Variants in SLC1A3 observed in about 807,000 individuals in gnomAD.
SLC1A3 encodes the protein excitatory amino acid transporter 1.
A neutral mutation model predicts 48.1 loss-of-function variants in SLC1A3; 21 were observed. The observed-to-expected ratio is 0.44, with a 90% CI of 0.31 to 0.63. The LOEUF (loss-of-function observed/expected upper bound fraction) is 0.63. Among genes scored for constraint, SLC1A3 ranks in the 20% least tolerant of loss-of-function variants. The probability of loss-of-function intolerance (pLI) is 0.08; values close to 1 mark genes in which losing one functional copy is unlikely to be tolerated. For missense variants in SLC1A3, 546 were observed against 689.0 expected (o/e 0.79, Z 2.32); for synonymous variants, 239 against 251.4 (o/e 0.95, Z 0.47).
chr5:36,647,626 TCTC>T (rs1468830443), intron 3 of SLC1A3, among the ~76,000 whole-genome samples: 1 of 152,198 alleles, frequency 6.6e-6, no homozygotes, highest in Non-Finnish European at 1.5e-5. Flanking sequence ...CTATCAGTCT[TCTC>T]ACAACCGAAG....
intron 3 of SLC1A3, among the ~76,000 whole-genome samples, chr5:36,642,978 C>G (rs1645659): frequency 6.6e-6 from 1 of 152,182 alleles, no homozygotes; most frequent in African/African-American, 2.4e-5. Flanking sequence ...TAATGGAATA[C>G]TACCCATTCA....
Position 36,629,606 on chromosome 5 carries a change from G to C in SLC1A3, c.319+19G>C. 6.2e-7 allele frequency: 1 copy of C among 1,608,944 alleles called. No homozygotes were observed. The highest frequency in any genetic ancestry group is 8.5e-7 in the Non-Finnish European group (1 of 1,176,254). On this transcript the variant is annotated intron_variant, in intron 3 of 9. Transcript: ENST00000265113. The stretch of plus-strand genomic sequence containing the variant: ...GTCACAGGTACCATAAGCAGTTGTT[G>C]GTTTGTTTGGTTTTTTTTAAGTGTG...
intron 3 of SLC1A3, among the ~76,000 whole-genome samples, chr5:36,639,288 A>G (rs942914166): frequency 1.3e-5 from 2 of 152,226 alleles, no homozygotes; most frequent in African/African-American, 4.8e-5. Flanking sequence ...ATGCAAGTTA[A>G]TACACATTAA....
At chr5:36,674,383 C>T (rs951389596) in intron 5 of SLC1A3, among the ~76,000 whole-genome samples, 1 of 152,058 alleles carries the variant, frequency 6.6e-6, no homozygotes, top group Non-Finnish European at 1.5e-5. Context: ...CACCCAACTC[C>T]CCACTGGCAA....
At chr5:36,683,358 G>A (rs974463157) in intron 8 of SLC1A3, among the ~76,000 whole-genome samples, 1 of 152,042 alleles carries the variant, frequency 6.6e-6, no homozygotes, top group African/African-American at 2.4e-5. Context: ...AAGACACATA[G>A]TAAGCACATG....
intron 3 of SLC1A3, 31 bp downstream of exon 3, chr5:36,629,618 T>A (rs765360652): frequency 1.3e-5 from 21 of 1,599,290 alleles, no homozygotes; most frequent in Non-Finnish European, 1.8e-5. Flanking sequence ...TTTGTTTGGT[T>A]TTTTTTAAGT....
At chr5:36,644,019 AAATAAAT>A (rs1740736657) in intron 3 of SLC1A3, among the ~76,000 whole-genome samples, 1 of 68,744 alleles carries the variant, frequency 1.5e-5, no homozygotes, top group Admixed American at 1.7e-4. Context: ...CTCAAAAAAT[AAATAAAT>A]AAATAAATAA....
intron 3 of SLC1A3, among the ~76,000 whole-genome samples, chr5:36,635,173 GA>G (rs545440959): frequency 0.015 from 2,020 of 132,286 alleles, 23 homozygotes; most frequent in South Asian, 0.07. Flanking sequence ...ACGTTGTATT[GA>G]AAAAAAAAAA....
At chr5:36,670,755 G>C in intron 3 of SLC1A3, 1 of 512,868 alleles carries the variant, frequency 1.9e-6, no homozygotes, top group Non-Finnish European at 3.6e-6. Flanking sequence ...TGGACCATTA[G>C]AGAACAGTAT....
At chr5:36,655,130 G>A (rs748806488) in intron 3 of SLC1A3, among the ~76,000 whole-genome samples, 2 of 152,164 alleles carry the variant, frequency 1.3e-5, no homozygotes. Flanking sequence ...GGGGAATCAT[G>A]GCTGTGAGTG....
chr5:36,664,482 C>A (rs998566996), intron 3 of SLC1A3, among the ~76,000 whole-genome samples: 12 of 150,512 alleles, frequency 8.0e-5, no homozygotes, highest in African/African-American at 2.9e-4. Flanking sequence ...GGGGTTTATG[C>A]CAGTGTTTAC....
chr5:36,597,452 C>T (rs1242901362), intron 1 of SLC1A3, among the ~76,000 whole-genome samples: 1 of 151,832 alleles, frequency 6.6e-6, no homozygotes, highest in East Asian at 1.9e-4. Context: ...CCATATTAGC[C>T]AGGACGGTCT....
chr5:36,622,697 G>A (rs974773960), intron 2 of SLC1A3, among the ~76,000 whole-genome samples: 1 of 152,058 alleles, frequency 6.6e-6, no homozygotes, highest in Non-Finnish European at 1.5e-5. Context: ...AAAATGAGAC[G>A]ATATTTAATT....
intron 1 of SLC1A3, among the ~76,000 whole-genome samples, chr5:36,599,393 G>C (rs1206756277): frequency 2.0e-5 from 3 of 151,872 alleles, no homozygotes; most frequent in African/African-American, 4.8e-5. Context: ...AGGTCACAAG[G>C]CACAAAAAAT....
intron 8 of SLC1A3, among the ~76,000 whole-genome samples, chr5:36,683,336 T>A (rs1332027681): frequency 2.0e-5 from 3 of 152,212 alleles, no homozygotes; most frequent in Admixed American, 6.5e-5. Flanking sequence ...TAAACCATGC[T>A]TAGTATATCA....
At chr5:36,643,947 T>C (rs1263841697) in intron 3 of SLC1A3, among the ~76,000 whole-genome samples, 1 of 151,838 alleles carries the variant, frequency 6.6e-6, no homozygotes, top group Non-Finnish European at 1.5e-5. Flanking sequence ...TGAGCCAAGA[T>C]TGGGCCATTG....
At chr5:36,640,979 A>G (rs1292578424) in intron 3 of SLC1A3, among the ~76,000 whole-genome samples, 1 of 151,866 alleles carries the variant, frequency 6.6e-6, no homozygotes, top group African/African-American at 2.4e-5. Context: ...ATGCCCCAAC[A>G]CACACACACA....
chr5:36,645,220 G>C (rs1311469926), intron 3 of SLC1A3, among the ~76,000 whole-genome samples: 1 of 151,678 alleles, frequency 6.6e-6, no homozygotes, highest in Non-Finnish European at 1.5e-5. Context: ...TATCTGCAAG[G>C]AGAGCCCCTC....
chr5:36,651,589 CT>C (rs1741079534), intron 3 of SLC1A3, among the ~76,000 whole-genome samples: 1 of 137,508 alleles, frequency 7.3e-6, no homozygotes, highest in Non-Finnish European at 1.5e-5. Flanking sequence ...TGCCTGGACT[CT>C]TTTCCCCAGC....
Sources: gnomAD v4.1 joint callset for allele counts (sites outside exome capture counted in the v4.1 genomes callset) on GRCh38, gnomAD v4.1.1 for gene constraint, MANE v1.5 for transcripts, NCBI Gene and HGNC (gene_info 2026-07-23, HGNC 2026-07-21) for gene names.